The following POLR3A variants were observed in gnomAD, a reference collection of about 807,000 sequenced individuals.
POLR3A encodes the protein DNA-directed RNA polymerase III subunit RPC1.
POLR3A carries 112 observed loss-of-function variants against 152.8 expected under a neutral mutation model. The observed-to-expected ratio is 0.73, with a 90% CI of 0.63 to 0.86. POLR3A has a LOEUF of 0.86. Among genes scored for constraint, POLR3A ranks in the 40% least tolerant of loss-of-function variants. The probability of loss-of-function intolerance (pLI) is 0.00; values close to 1 mark genes in which losing one functional copy is unlikely to be tolerated. For synonymous variants in POLR3A, 615 were observed against 652.1 expected (o/e 0.94, Z 0.87); for missense variants, 1,385 against 1,743.1 (o/e 0.79, Z 3.66).
chr10:77,994,699 AGTG>A (rs1191099690), intron 19 of POLR3A, among the ~76,000 whole-genome samples: 1 of 152,196 alleles, frequency 6.6e-6, no homozygotes, highest in Non-Finnish European at 1.5e-5. Context: ...TGTACCTGAA[AGTG>A]ACGGGGAGAA....
rs137961403 is a variant in POLR3A, at chr10:78,002,212, G to A, written c.2344C>T (p.Leu782=). ...GCATGCAGACCTTTGGAGCCGCACA[G>A]AGCCATGGTGAGGGGGCTGTTGCTC... ...DKSNSPLTMA[L]CGSKGSFINI... is the part of the protein sequence containing the mutation. Residue 782 remains leucine (L), a synonymous_variant, in exon 17 of 31, where the codon CTG becomes TTG. Coordinates refer to ENST00000372371, the MANE Select transcript of POLR3A (RefSeq NM_007055.4). The A allele has an allele frequency of 1.2e-4, 196 of 1,589,852 alleles. No individual in the cohort carries two copies. The highest frequency in any genetic ancestry group is 3.3e-4 in the Middle Eastern group (2 of 5,974).
At chr10:78,018,170 CAAAA>C (rs112691299) in intron 9 of POLR3A, among the ~76,000 whole-genome samples, 3 of 69,526 alleles carry the variant, frequency 4.3e-5, no homozygotes, top group South Asian at 4.7e-4. Flanking sequence ...ACTGAGACAT[CAAAA>C]AAAAAAAAAA....
At chr10:78,013,544 C>A (rs925361594) in intron 11 of POLR3A, 106 bp downstream of exon 11, 1 of 1,166,070 alleles carries the variant, frequency 8.6e-7, no homozygotes. Flanking sequence ...CAGAAAGAGC[C>A]TGGCTTCTTT....
intron 8 of POLR3A, 26 bp from the exon 9 acceptor site, chr10:78,019,291 G>A (rs369173893): frequency 2.8e-6 from 4 of 1,418,414 alleles, no homozygotes; most frequent in East Asian, 2.3e-5. Flanking sequence ...ACCACAATAA[G>A]TTACTCCCAG....
rs12263414 is a variant in POLR3A at position 78,022,126 on chromosome 10, G to C, written c.885+19C>G. On this transcript the variant is annotated intron_variant, in intron 6 of 30. Transcript: ENST00000372371. ...GATAGATATACTATGAAACTTACAA[G>C]GAAATGGGAGGCACTGACCTTTTTA... 3,094 of 1,614,102 alleles carry C rather than the reference G, an allele frequency of 1.9e-3. 56 individuals carry two copies. The African/African-American group carries it at 0.034, about 18-fold the overall frequency.
chr10:78,020,953 T>C (rs927803326), intron 8 of POLR3A, among the ~76,000 whole-genome samples: 2 of 152,192 alleles, frequency 1.3e-5, no homozygotes, highest in East Asian at 1.9e-4. Context: ...ATATGAGGCA[T>C]GAACCAACAT....
At chr10:77,988,879 GGA>G (rs1564614901) in intron 21 of POLR3A, among the ~76,000 whole-genome samples, 2 of 152,150 alleles carry the variant, frequency 1.3e-5, no homozygotes, top group Admixed American at 1.3e-4. Context: ...TGTTGGCACA[GGA>G]AAAACAGGAG....
chr10:78,018,141 G>A (rs530463843), intron 9 of POLR3A, among the ~76,000 whole-genome samples: 2 of 147,066 alleles, frequency 1.4e-5, no homozygotes, highest in East Asian at 2.0e-4. Flanking sequence ...GTGCCATTGC[G>A]CTCCAGCCTG....
chr10:78,000,782 C>T (rs1333631342), intron 18 of POLR3A, among the ~76,000 whole-genome samples, 194 bp downstream of exon 18: 1 of 152,186 alleles, frequency 6.6e-6, no homozygotes, highest in African/African-American at 2.4e-5. Context: ...CCTTGGCCTC[C>T]CAAAGTGCTA....
At position 78,000,928 on chromosome 10, in the gene POLR3A, T is replaced by G. The variant is rs7474957; in HGVS notation, c.2478+48A>C. On this transcript the variant is annotated intron_variant, in intron 18 of 30. Coordinates refer to ENST00000372371, the MANE Select transcript of POLR3A (RefSeq NM_007055.4). ...TAGGTCTGTGTTCCTTGGAGGAAAG[T>G]GTAGATTAAGAGATCTTCACAGTTC... 64,767 of 955,486 alleles carry G rather than the reference T, an allele frequency of 0.068. 5,569 individuals are homozygous for G. The highest frequency in any genetic ancestry group is 0.31 in the African/African-American group (19,357 of 62,460). 59.2% of individuals were successfully genotyped at this position (955,486 alleles called of 1,614,324 possible).
rs1847593758 is a variant in POLR3A, at chr10:78,022,902, A to C, written c.646-518T>G. Among the ~76,000 whole-genome samples, 3 of 152,238 alleles carry C rather than the reference A, an allele frequency of 2.0e-5. No individual in the cohort carries two copies. The South Asian group carries it at 6.2e-4, about 31-fold the overall frequency. The stretch of plus-strand genomic sequence containing the variant: ...GCTGGGCGTAGTGGCTCATGCCTGT[A>C]ATCTCAGCACTTTGGAAGGCCGAGG... On this transcript the variant is annotated intron_variant, in intron 5 of 30. Coordinates refer to ENST00000372371, the MANE Select transcript of POLR3A (RefSeq NM_007055.4).
At chr10:78,006,885 G>A (rs1448020923) in intron 15 of POLR3A, among the ~76,000 whole-genome samples, 2 of 152,130 alleles carry the variant, frequency 1.3e-5, no homozygotes, top group Admixed American at 1.3e-4. Context: ...TTGGGAGGTG[G>A]AGGCAGGTGG....
chr10:77,981,593 C>A lies in POLR3A; in HGVS notation c.3760-34G>T, dbSNP rs761549676. On this transcript the variant is annotated intron_variant, in intron 28 of 30. Transcript: ENST00000372371. ...AGCCAGTAATGAGCAGAAGCAGCCC[C>A]TTCCGGGAGGCCACTGCAAATTCTC... is the stretch of plus-strand genomic sequence containing the variant. 8 of 1,613,012 alleles carry A rather than the reference C, an allele frequency of 5.0e-6. No individual in the cohort carries two copies. The African/African-American group carries it at 9.3e-5, about 19-fold the overall frequency.
intron 24 of POLR3A, among the ~76,000 whole-genome samples, chr10:77,984,680 T>A (rs1847180931): frequency 6.6e-6 from 1 of 152,238 alleles, no homozygotes; most frequent in African/African-American, 2.4e-5. Flanking sequence ...ATCATTTTGT[T>A]AAATATAGGT....
rs1318975980 is a variant in POLR3A, at chr10:78,021,538, T to C, written c.1185+8A>G. On this transcript the variant is annotated splice_region_variant and intron_variant, in intron 8 of 30. Coordinates refer to ENST00000372371, the MANE Select transcript of POLR3A (RefSeq NM_007055.4). ...AACAAAGAATTGAGCAGCTGAGTGG[T>C]CACTTACCTTCTCAGGAAAAGTTAG... 14 of 1,613,676 alleles carry C rather than the reference T, an allele frequency of 8.7e-6. No homozygotes were observed. The highest frequency in any genetic ancestry group is 1.2e-5 in the Non-Finnish European group (14 of 1,179,614).
At position 77,993,274 on chromosome 10, in the gene POLR3A, C is replaced by A. The variant is rs748548960; in HGVS notation, c.2710G>T (p.Gly904Ter). The change falls in exon 20 of 31, where the codon GGA becomes TGA. Residue 904 changes from glycine (G) to a stop codon, truncating the protein, a stop_gained. Coordinates refer to ENST00000372371, the MANE Select transcript of POLR3A (RefSeq NM_007055.4). LOFTEE classifies it high-confidence loss of function. The stretch of plus-strand genomic sequence containing the variant: ...ATAGCTGCAGGATCTAAGCCATCTC[C>A]TCCATAAATGAACTGGATAATATCG... ...TGDIIQFIYG[G>*]DGLDPAAMEG... 8 of 1,613,144 alleles carry A rather than the reference C, an allele frequency of 5.0e-6. No homozygotes were observed. Among genetic ancestry groups the A allele is most frequent in the Non-Finnish European group, 6.8e-6 (8 of 1,179,114 alleles).
rs139694468 is a variant in POLR3A, at chr10:78,005,135, C to T, written c.2075-247G>A. Among the ~76,000 whole-genome samples the T allele has an allele frequency of 3.9e-5, 6 of 152,298 alleles. No homozygotes were observed. In the South Asian group the frequency reaches 6.2e-4, roughly 16 times the overall value. On this transcript the variant is annotated intron_variant, in intron 15 of 30. Coordinates refer to ENST00000372371, the MANE Select transcript of POLR3A (RefSeq NM_007055.4). ...CAACTGACTTCTCTCAGAGACCTTA[C>T]GATCTGGTGGGGAAACACAATACCG...
intron 16 of POLR3A, among the ~76,000 whole-genome samples, chr10:78,003,476 A>T (rs1178976660): frequency 1.3e-5 from 2 of 152,198 alleles, no homozygotes; most frequent in Non-Finnish European, 2.9e-5. Flanking sequence ...TCAGGTTCTC[A>T]CAGGCTGGTG....
chr10:78,000,133 A>G lies in POLR3A; in HGVS notation c.2479-15T>C. 1.2e-6 allele frequency: 2 copies of G among 1,613,786 alleles called. No homozygotes were observed. Among genetic ancestry groups the G allele is most frequent in the Non-Finnish European group, 1.7e-6 (2 of 1,179,718 alleles). ...GCAGCTGGGAGCTAAAGAGAGGTAG[A>G]AAAAAGAAAAATCAAACAAAAAAAG... On this transcript the variant is annotated splice_polypyrimidine_tract_variant and intron_variant, in intron 18 of 30. Transcript: ENST00000372371.
Sources: allele counts gnomAD v4.1 joint callset (sites outside exome capture counted in the v4.1 genomes callset), GRCh38; gene constraint gnomAD v4.1.1; transcripts MANE v1.5; gene names NCBI Gene and HGNC (gene_info 2026-07-23, HGNC 2026-07-21).